CHST13: variants seen among roughly 807,000 people sequenced by gnomAD.
The protein encoded by CHST13 is C4ST-3.
CHST13 carries 1 observed loss-of-function variant against 7.0 expected under a neutral mutation model. That is an observed-to-expected ratio of 0.14 (90% CI 0.05 to 0.68). The LOEUF (loss-of-function observed/expected upper bound fraction) is 0.68, where lower values mean the gene tolerates loss of function less well. CHST13 is among the 30% of genes least tolerant of loss of function. The probability of loss-of-function intolerance (pLI) is 0.82; values close to 1 mark genes in which losing one functional copy is unlikely to be tolerated. For synonymous variants in CHST13, 257 were observed against 240.9 expected, an observed-to-expected ratio of 1.07 and a Z score of -0.62; for missense variants, 572 against 507.9, an observed-to-expected ratio of 1.13 and a Z score of -1.21.
At chr3:126,529,442 T>G in intron 1 of CHST13, 89 of 1,256,608 alleles carry the variant, frequency 7.1e-5, no homozygotes, top group Non-Finnish European at 8.6e-5. Context: ...GCATGGGTGT[T>G]AAGGGTGCAG....
At chr3:126,540,598 G>A (rs1936937870) in intron 2 of CHST13, among the ~76,000 whole-genome samples, 1 of 152,192 alleles carries the variant, frequency 6.6e-6, no homozygotes. Context: ...ATATTCCATT[G>A]CATGGATGGC....
rs1432049871 is a variant in CHST13, at chr3:126,531,143, T to C, written c.98-5128T>C. Among the ~76,000 whole-genome samples the C allele has an allele frequency of 2.0e-5, 3 of 152,272 alleles. No individual in the cohort carries two copies. The East Asian group carries it at 5.8e-4, about 29-fold the overall frequency. ...TGGCGCAGCTGGTGTCAAAGCACGC[T>C]CCCAGACCAGCAGCCGCAGCCTCAC... On this transcript the variant is annotated intron_variant, in intron 1 of 2. Transcript: ENST00000319340.
chr3:126,536,266 C>T lies in CHST13; in HGVS notation c.98-5C>T. 1.2e-6 allele frequency: 2 copies of T among 1,613,114 alleles called. No individual in the cohort carries two copies. Among genetic ancestry groups the T allele is most frequent in the Non-Finnish European group, 1.7e-6 (2 of 1,179,298 alleles). On this transcript the variant is annotated splice_region_variant and splice_polypyrimidine_tract_variant and intron_variant, in intron 1 of 2. Coordinates refer to ENST00000319340, the MANE Select transcript of CHST13 (RefSeq NM_152889.3). ...GTGGCGACATCTCTCTCCTTATGCC[C>T]ACAGCATTTGGAAACAGAGCCCTGG... is the stretch of plus-strand genomic sequence containing the variant.
At position 126,542,421 on chromosome 3, in the gene CHST13, GGCCGCCGCGGCCCCGGGGA is replaced by G; in HGVS notation, c.878_896del (p.Arg293ProfsTer126). The G allele has an allele frequency of 6.4e-7, 1 of 1,550,776 alleles. No individual in the cohort carries two copies. The highest frequency in any genetic ancestry group is 8.7e-7 in the Non-Finnish European group (1 of 1,150,860). ...GGCGCATCCGACCTGAGCTTCCCTG[GGCCGCCGCGGCCCCGGGGA>G]GCCGCCGCCTCCCGCGACCTGGCAG... On this transcript the variant is annotated frameshift_variant, in exon 3 of 3. Transcript: ENST00000319340. LOFTEE classifies it low-confidence loss of function (END_TRUNC).
intron 2 of CHST13, among the ~76,000 whole-genome samples, chr3:126,537,632 G>A (rs1936826457): frequency 6.6e-6 from 1 of 152,194 alleles, no homozygotes; most frequent in Non-Finnish European, 1.5e-5. Flanking sequence ...CACTCAGTAG[G>A]GCCCTGGGTT....
rs1936990959 is a variant in CHST13, at chr3:126,542,559, C to T, written c.1007C>T (p.Ser336Phe). 3.3e-6 allele frequency: 5 copies of T among 1,503,904 alleles called. No homozygotes were observed. Among genetic ancestry groups the T allele is most frequent in the Non-Finnish European group, 2.7e-6 (3 of 1,130,546 alleles). 93.2% of individuals were successfully genotyped at this position (1,503,904 alleles called of 1,614,324 possible). Residue 336 changes from serine (S) to phenylalanine (F), a missense_variant, in exon 3 of 3, where the codon TCC (serine) becomes TTC (phenylalanine). By Grantham distance (155) the Ser-to-Phe change is radical. Coordinates refer to ENST00000319340, the MANE Select transcript of CHST13 (RefSeq NM_152889.3). Reference protein sequence around the residue: ...DFLLFNYSAPSYLRLL With the variant: ...DFLLFNYSAPFYLRLL Reference sequence around the variant, plus strand: ...CTGCTTTTCAACTACTCCGCCCCCTCCTACCTGCGGCTGCTCTAGCGGTCC... The same window carrying T: ...CTGCTTTTCAACTACTCCGCCCCCTTCTACCTGCGGCTGCTCTAGCGGTCC...
chr3:126,541,662 G>A, intron 2 of CHST13, 71 bp from the exon 3 acceptor site: 1 of 1,335,752 alleles, frequency 7.5e-7, no homozygotes, highest in Non-Finnish European at 9.7e-7. Context: ...CATCCCGCCG[G>A]GGCAGCGCCA....
chr3:126,539,809 A>G (rs1274393857), intron 2 of CHST13, among the ~76,000 whole-genome samples: 2 of 74,702 alleles, frequency 2.7e-5, no homozygotes, highest in East Asian at 7.8e-4. Context: ...ACCACACCAC[A>G]CACCACAAAC....
At chr3:126,534,432 G>T (rs558644893) in intron 1 of CHST13, among the ~76,000 whole-genome samples, 1 of 152,044 alleles carries the variant, frequency 6.6e-6, no homozygotes, top group East Asian at 1.9e-4. Context: ...CCTCATCTGG[G>T]AGACAGACAG....
chr3:126,532,423 T>A (rs559923860), intron 1 of CHST13, among the ~76,000 whole-genome samples: 1 of 152,240 alleles, frequency 6.6e-6, no homozygotes, highest in South Asian at 2.1e-4. Flanking sequence ...GGGGCTATGA[T>A]CCATTTTGAG....
chr3:126,542,032 C>G lies in CHST13; in HGVS notation c.480C>G (p.Ile160Met), dbSNP rs1397090057. Residue 160 changes from isoleucine to methionine, a missense_variant, in exon 3 of 3, where the codon ATC becomes ATG. Physicochemically the swap from Ile to Met is conservative, Grantham distance 10 (BLOSUM62 1). Coordinates refer to ENST00000319340, the MANE Select transcript of CHST13 (RefSeq NM_152889.3). ...TGGCCGACTTCAGCCCCGCCGAGAT[C>G]AACCGGCGCCTGCGCGCCTACTTGG... is the stretch of plus-strand genomic sequence containing the variant. Reference protein sequence around the residue: ...PSLADFSPAEINRRLRAYLAF... With the variant: ...PSLADFSPAEMNRRLRAYLAF... 6.4e-7 allele frequency: 1 copy of G among 1,571,198 alleles called. No individual in the cohort carries two copies. Among genetic ancestry groups the G allele is most frequent in the Non-Finnish European group, 8.6e-7 (1 of 1,163,050 alleles).
chr3:126,531,476 A>G (rs952385857), intron 1 of CHST13, among the ~76,000 whole-genome samples: 11 of 152,262 alleles, frequency 7.2e-5, no homozygotes, highest in Admixed American at 7.2e-4. Flanking sequence ...TGAATTCTTG[A>G]ACATATTCTT....
Position 126,524,366 on chromosome 3 carries a change from G to C in CHST13, c.34G>C (p.Ala12Pro). The C allele has an allele frequency of 8.1e-7, 1 of 1,236,336 alleles. No individual in the cohort carries two copies. Among genetic ancestry groups the C allele is most frequent in the Non-Finnish European group, 1.0e-6 (1 of 990,156 alleles). 76.6% of individuals were successfully genotyped at this position (1,236,336 alleles called of 1,614,324 possible). A position where few individuals can be genotyped will look rare whatever the true frequency, so the allele number is the denominator to read the frequency against. Residue 12 changes from alanine (A) to proline (P), a missense_variant, in exon 1 of 3, where the codon GCG (alanine) becomes CCG (proline). Coordinates refer to ENST00000319340, the MANE Select transcript of CHST13 (RefSeq NM_152889.3). Reference protein sequence around the residue: ...GRRCCRRRVLAAACLGAALLL... With the variant: ...GRRCCRRRVLPAACLGAALLL... ...GCGCTGCTGCCGGCGGCGCGTGCTG[G>C]CGGCCGCCTGTCTGGGCGCCGCGCT...
At chr3:126,540,540 C>T (rs151288103) in intron 2 of CHST13, among the ~76,000 whole-genome samples, 1 of 152,338 alleles carries the variant, frequency 6.6e-6, no homozygotes, top group Non-Finnish European at 1.5e-5. Context: ...TCCAGGTCAG[C>T]CCATGTGGCA....
At chr3:126,534,728 G>A (rs1488902064) in intron 1 of CHST13, among the ~76,000 whole-genome samples, 1 of 148,776 alleles carries the variant, frequency 6.7e-6, no homozygotes, top group African/African-American at 2.5e-5. Context: ...CAGACAGACA[G>A]ACAGCATCCC....
intron 1 of CHST13, among the ~76,000 whole-genome samples, chr3:126,525,653 G>A (rs1286208748): frequency 6.6e-6 from 1 of 152,138 alleles, no homozygotes; most frequent in Admixed American, 6.5e-5. Context: ...GTAGACAGAT[G>A]TTTACCCAGT....
At chr3:126,529,224 C>T (rs755234123) in intron 1 of CHST13, 1 of 955,136 alleles carries the variant, frequency 1.0e-6, no homozygotes, top group African/African-American at 1.7e-5. Context: ...TGGTGTTTCA[C>T]CCGGTATCTT....
chr3:126,541,581 C>CA, intron 2 of CHST13, 152 bp from the exon 3 acceptor site: 1 of 635,886 alleles, frequency 1.6e-6, no homozygotes, highest in Non-Finnish European at 2.5e-6. Context: ...CTAAACCACA[C>CA]AGTGATCAGT....
intron 1 of CHST13, among the ~76,000 whole-genome samples, chr3:126,534,810 C>T (rs1936732124): frequency 6.6e-6 from 1 of 150,612 alleles, no homozygotes; most frequent in Non-Finnish European, 1.5e-5. Context: ...GCATCCCTGT[C>T]CTCAGCCAGG....
Sources: gnomAD v4.1 joint callset for allele counts (sites outside exome capture counted in the v4.1 genomes callset) on GRCh38, gnomAD v4.1.1 for gene constraint, MANE v1.5 for transcripts, NCBI Gene and HGNC (gene_info 2026-07-23, HGNC 2026-07-21) for gene names.